Variants in XPO5 observed in about 807,000 individuals in gnomAD.
The protein encoded by XPO5 is exportin-5.
A neutral mutation model predicts 160.6 loss-of-function variants in XPO5; 46 were observed. That is an observed-to-expected ratio of 0.29 (90% CI 0.23 to 0.37). The LOEUF (loss-of-function observed/expected upper bound fraction) is 0.37, where lower values mean the gene tolerates loss of function less well. Among genes scored for constraint, XPO5 ranks in the 10% least tolerant of loss-of-function variants. The probability of loss-of-function intolerance (pLI) is 1.00; values close to 1 mark genes in which losing one functional copy is unlikely to be tolerated. For missense variants in XPO5, 1,090 were observed against 1,463.9 expected, an observed-to-expected ratio of 0.74 and a Z score of 4.17; for synonymous variants, 537 against 519.3, an observed-to-expected ratio of 1.03 and a Z score of -0.46.
intron 20 of XPO5, among the ~76,000 whole-genome samples, chr6:43,536,904 C>T (rs111403424): frequency 0.033 from 4,936 of 151,134 alleles, 254 homozygotes; most frequent in African/African-American, 0.11. Flanking sequence ...GGTGTCTGTC[C>T]TCGACAACTC....
intron 30 of XPO5, 91 bp from the exon 31 acceptor site, chr6:43,524,726 C>G: frequency 1.9e-6 from 3 of 1,585,786 alleles, no homozygotes; most frequent in Non-Finnish European, 1.7e-6. Context: ...AGAGATTGCA[C>G]CAGCAATTTG....
At chr6:43,534,105 T>C (rs1794167451) in intron 20 of XPO5, 98 bp from the exon 21 acceptor site, 3 of 869,200 alleles carry the variant, frequency 3.5e-6, no homozygotes, top group Non-Finnish European at 5.3e-6. Flanking sequence ...TTCACACAGA[T>C]CTGCCCATCA....
chr6:43,564,727 G>C (rs1412761398), intron 8 of XPO5, among the ~76,000 whole-genome samples: 1 of 151,894 alleles, frequency 6.6e-6, no homozygotes, highest in Non-Finnish European at 1.5e-5. Context: ...TCAGCCTTCT[G>C]AGTAGCTGGG....
At chr6:43,571,815 A>G (rs1763024937) in intron 3 of XPO5, among the ~76,000 whole-genome samples, 2 of 152,234 alleles carry the variant, frequency 1.3e-5, no homozygotes, top group African/African-American at 4.8e-5. Context: ...AAAAAAAAAA[A>G]AAGTCATATT....
chr6:43,548,133 A>G (rs1795053692), intron 18 of XPO5, 128 bp downstream of exon 18: 4 of 953,106 alleles, frequency 4.2e-6, no homozygotes, highest in Non-Finnish European at 6.1e-6. Context: ...CTTTTAGAGA[A>G]CTTCAGATAT....
chr6:43,546,635 T>C lies in XPO5; in HGVS notation c.2278A>G (p.Ile760Val), dbSNP rs759596337. Reference sequence around the variant, plus strand: ...TGCTCTGTGCAGGGGTTACGGAAGATTGGATTTCCACTGGATGTATAACCC... The same window carrying C: ...TGCTCTGTGCAGGGGTTACGGAAGACTGGATTTCCACTGGATGTATAACCC... ...VVGYTSSGNP[I>V]FRNPCTEQIL... Residue 760 changes from isoleucine (I) to valine (V), a missense_variant, in exon 20 of 32, where the codon ATC becomes GTC. Ile to Val is a conservative substitution (Grantham distance 29, BLOSUM62 3). Around this residue, in one of 3 missense-constraint regions of XPO5, gnomAD observed 810 missense variants for 1,139.0 expected, o/e 0.71. Coordinates refer to ENST00000265351, the MANE Select transcript of XPO5 (RefSeq NM_020750.3). 1.9e-6 allele frequency: 3 copies of C among 1,613,966 alleles called. No homozygotes were observed. Among genetic ancestry groups the C allele is most frequent in the South Asian group, 2.2e-5 (2 of 91,078 alleles).
rs1334569403 is a variant in XPO5 at position 43,522,735 on chromosome 6, CAACAGG to C, written c.*1127_*1132del. The C allele has an allele frequency of 2.0e-6, 1 of 499,394 alleles. No homozygotes were observed. Among genetic ancestry groups the C allele is most frequent in the Non-Finnish European group, 4.2e-6 (1 of 239,144 alleles). 30.9% of individuals were successfully genotyped at this position (499,394 alleles called of 1,614,324 possible). Reference sequence around the variant, plus strand: ...CCCTCTTGTCAGTGGACTGGATGGACAACAGGTCTGTTTTTGTGCAGAGCACATGGA... The same window carrying C: ...CCCTCTTGTCAGTGGACTGGATGGACTCTGTTTTTGTGCAGAGCACATGGA... On this transcript the variant is annotated 3_prime_UTR_variant, in exon 32 of 32. Transcript: ENST00000265351.
At chr6:43,545,665 C>G (rs902350577) in intron 20 of XPO5, among the ~76,000 whole-genome samples, 1 of 152,046 alleles carries the variant, frequency 6.6e-6, no homozygotes, top group African/African-American at 2.4e-5. Flanking sequence ...CAAGATTGCA[C>G]CACTGCACTC....
In XPO5 at chr6:43,528,923, C is replaced by A; in HGVS notation, c.2680G>T (p.Val894Phe). 6.2e-7 allele frequency: 1 copy of A among 1,611,182 alleles called. No homozygotes were observed. Among genetic ancestry groups the A allele is most frequent in the Non-Finnish European group, 8.5e-7 (1 of 1,179,184 alleles). Residue 894 changes from valine (V) to phenylalanine (F), a missense_variant and splice_region_variant, in exon 24 of 32, where the codon GTC (valine) becomes TTC (phenylalanine). By Grantham distance (50) the Val-to-Phe change is conservative (BLOSUM62 -1). Coordinates refer to ENST00000265351, the MANE Select transcript of XPO5 (RefSeq NM_020750.3). ...PDYRLRPMLR[V>F]FVKPLVLFCP... Reference sequence around the variant, plus strand: ...AAGAGCACCAGAGGCTTTACAAAGACACGTGCTGCAACAAGTTAAGAAATT... The same window carrying A: ...AAGAGCACCAGAGGCTTTACAAAGAAACGTGCTGCAACAAGTTAAGAAATT...
intron 16 of XPO5, 52 bp downstream of exon 16, chr6:43,549,841 A>G: frequency 6.5e-7 from 1 of 1,536,692 alleles, no homozygotes; most frequent in Non-Finnish European, 8.9e-7. Context: ...TCAGGTATTC[A>G]TACATTTGTA....
chr6:43,547,304 G>C (rs1378538008), intron 19 of XPO5: 2 of 447,830 alleles, frequency 4.5e-6, no homozygotes, highest in South Asian at 2.0e-5. Flanking sequence ...AGCAATGGCA[G>C]GGAGGACTCA....
At position 43,553,365 on chromosome 6, in the gene XPO5, T is replaced by C. The variant is rs754897203; in HGVS notation, c.1572+8A>G. 10 of 1,604,188 alleles carry C rather than the reference T, an allele frequency of 6.2e-6. No homozygotes were observed. The highest frequency in any genetic ancestry group is 8.5e-6 in the Non-Finnish European group (10 of 1,175,532). On this transcript the variant is annotated splice_region_variant and intron_variant, in intron 14 of 31. Transcript: ENST00000265351. ...ATCATGCAGTCAGCATGGGAAATAA[T>C]TACTTACTTCTCTATTTAGTGTTCG...
At chr6:43,569,228 G>A (rs1296378019) in intron 5 of XPO5, among the ~76,000 whole-genome samples, 5 of 150,196 alleles carry the variant, frequency 3.3e-5, no homozygotes, top group African/African-American at 1.2e-4. Flanking sequence ...GGAGGCAGAG[G>A]TTGCAGTGAA....
chr6:43,533,631 G>A (rs1027367361), intron 21 of XPO5: 9 of 250,010 alleles, frequency 3.6e-5, no homozygotes, highest in Admixed American at 1.5e-4. Context: ...GATGATAAGA[G>A]TTCAAGACCA....
chr6:43,549,991 T>G, intron 15 of XPO5, 57 bp from the exon 16 acceptor site: 2 of 1,562,560 alleles, frequency 1.3e-6, no homozygotes, highest in Non-Finnish European at 1.7e-6. Flanking sequence ...AGATGAGATC[T>G]TGCTATGTTG....
Position 43,523,700 on chromosome 6 carries a change from C to T in XPO5, c.*168G>A, listed in dbSNP as rs752075349. ...CTTTCTTGATACTTTAGTATAATTA[C>T]TTCTGGTCCTGCACAGGGCCTGTTC... is the stretch of plus-strand genomic sequence containing the variant. On this transcript the variant is annotated 3_prime_UTR_variant, in exon 32 of 32. Coordinates refer to ENST00000265351, the MANE Select transcript of XPO5 (RefSeq NM_020750.3). 9.5e-5 allele frequency: 99 copies of T among 1,037,306 alleles called. No individual in the cohort carries two copies. Among genetic ancestry groups the T allele is most frequent in the Admixed American group, 4.0e-4 (24 of 59,268 alleles). The allele number at this position is 1,037,306 out of a possible 1,614,324, so 64.3% of individuals were successfully genotyped here. A position where few individuals can be genotyped will look rare whatever the true frequency, so the allele number is the denominator to read the frequency against.
intron 23 of XPO5, chr6:43,529,378 TAAAAAAAAA>T (rs35493258): frequency 1.6e-5 from 2 of 121,832 alleles, no homozygotes; most frequent in Non-Finnish European, 3.0e-5. Context: ...CCGTCTCTAC[TAAAAAAAAA>T]AAAAAAAAAA....
chr6:43,564,529 C>G, intron 8 of XPO5, among the ~76,000 whole-genome samples: 1 of 134,024 alleles, frequency 7.5e-6, no homozygotes. Flanking sequence ...AACTCCATCT[C>G]AAAAAAAAAA....
At chr6:43,527,480 G>C (rs1188519279) in intron 26 of XPO5, 154 bp downstream of exon 26, 5 of 681,502 alleles carry the variant, frequency 7.3e-6, no homozygotes, top group Non-Finnish European at 1.2e-5. Context: ...CACCATGTTG[G>C]CCAGGATGGT....
Sources: allele counts gnomAD v4.1 joint callset (sites outside exome capture counted in the v4.1 genomes callset), GRCh38; gene constraint gnomAD v4.1.1; regional missense constraint gnomAD v4.1.1; transcripts MANE v1.5; gene names NCBI Gene and HGNC (gene_info 2026-07-23, HGNC 2026-07-21).